The following NF2 variants were observed in gnomAD, a reference collection of about 807,000 sequenced individuals.
NF2 encodes the protein NF2, moesin-ezrin-radixin like (MERLIN) tumor suppressor, also known as merlin.
NF2 carries 8 observed loss-of-function variants against 83.7 expected under a neutral mutation model. The observed-to-expected ratio is 0.10, with a 90% CI of 0.06 to 0.17. The LOEUF is 0.17. Ranked by LOEUF, NF2 falls within the 10% of genes least tolerant of loss-of-function variation. The pLI is 1.00. For synonymous variants in NF2, 266 were observed against 269.6 expected (o/e 0.99, Z 0.13); for missense variants, 533 against 744.4 (o/e 0.72, Z 3.31).
chr22:29,662,052 A>T (rs2066493276), intron 8 of NF2, among the ~76,000 whole-genome samples: 1 of 152,242 alleles, frequency 6.6e-6, no homozygotes, highest in African/African-American at 2.4e-5. Flanking sequence ...AAAAGGTCCC[A>T]TAATGTATAA....
chr22:29,634,223 A>G (rs543119632), intron 1 of NF2, among the ~76,000 whole-genome samples: 3 of 152,214 alleles, frequency 2.0e-5, no homozygotes, highest in African/African-American at 4.8e-5. Flanking sequence ...GTAATTACTC[A>G]TGCTCATTTC....
intron 15 of NF2, among the ~76,000 whole-genome samples, chr22:29,690,788 G>A (rs1382647604): frequency 6.6e-6 from 1 of 152,226 alleles, no homozygotes; most frequent in African/African-American, 2.4e-5. Flanking sequence ...TGGTGCGGAG[G>A]CTTCATGTTC....
rs1800540 is a variant in NF2 at position 29,603,889 on chromosome 22, G to C, written c.-110G>C. The C allele has an allele frequency of 0.88, 723,893 of 826,994 alleles. 317,277 individuals carry two copies. The highest frequency in any genetic ancestry group is 0.96 in the East Asian group (35,955 of 37,424). 51.2% of individuals were successfully genotyped at this position (826,994 alleles called of 1,614,324 possible). A position where few individuals can be genotyped will look rare whatever the true frequency, so the allele number is the denominator to read the frequency against. ...GCAGCCCAGACCGTTCCCGGGCCGG[G>C]CAGCCGGCCACCATGGTGGCCCTGA... On this transcript the variant is annotated 5_prime_UTR_variant, in exon 1 of 16. Transcript: ENST00000338641.
intron 15 of NF2, among the ~76,000 whole-genome samples, chr22:29,686,639 C>CATAA (rs903500381): frequency 3.3e-5 from 5 of 152,312 alleles, no homozygotes; most frequent in African/African-American, 7.2e-5. Flanking sequence ...GATTCCATCT[C>CATAA]ATAAATAAAT....
At chr22:29,649,787 A>G (rs2066092375) in intron 4 of NF2, among the ~76,000 whole-genome samples, 1 of 151,872 alleles carries the variant, frequency 6.6e-6, no homozygotes. Flanking sequence ...TACAAAAAAA[A>G]AAAAGAAAAA....
At chr22:29,635,719 G>A (rs576830752) in intron 1 of NF2, among the ~76,000 whole-genome samples, 4 of 152,168 alleles carry the variant, frequency 2.6e-5, no homozygotes, top group African/African-American at 4.8e-5. Context: ...AGGAAGGGAC[G>A]GATGCTTCTG....
At chr22:29,638,402 G>C (rs370936208) in intron 2 of NF2, among the ~76,000 whole-genome samples, 2 of 149,954 alleles carry the variant, frequency 1.3e-5, no homozygotes, top group Non-Finnish European at 3.0e-5. Flanking sequence ...CCAGGCTGCA[G>C]TACAATGACG....
intron 15 of NF2, among the ~76,000 whole-genome samples, chr22:29,682,471 G>A (rs776524039): frequency 2.6e-5 from 4 of 152,056 alleles, no homozygotes; most frequent in Non-Finnish European, 4.4e-5. Flanking sequence ...GCCTGCCTTC[G>A]TTGTTGGGTA....
At chr22:29,649,733 A>C (rs1327828462) in intron 4 of NF2, among the ~76,000 whole-genome samples, 1 of 150,956 alleles carries the variant, frequency 6.6e-6, no homozygotes, top group Non-Finnish European at 1.5e-5. Context: ...ACAGAGTGAG[A>C]CTCTGTCTGA....
At chr22:29,670,196 C>A (rs1475299922) in intron 10 of NF2, among the ~76,000 whole-genome samples, 2 of 152,072 alleles carry the variant, frequency 1.3e-5, no homozygotes, top group East Asian at 3.9e-4. Context: ...TCAGGTCTTG[C>A]TATGTTACCC....
chr22:29,657,390 G>T (rs2066343730), intron 6 of NF2, among the ~76,000 whole-genome samples: 3 of 152,090 alleles, frequency 2.0e-5, no homozygotes, highest in African/African-American at 7.2e-5. Flanking sequence ...TAGGTTGTTG[G>T]GTTGTCCCCT....
chr22:29,663,986 G>T (rs896063032), intron 8 of NF2, among the ~76,000 whole-genome samples: 1 of 152,158 alleles, frequency 6.6e-6, no homozygotes, highest in Non-Finnish European at 1.5e-5. Context: ...TCAGCATCAA[G>T]AACTGTTTTC....
At chr22:29,650,028 A>T (rs1257924939) in intron 4 of NF2, among the ~76,000 whole-genome samples, 4 of 152,174 alleles carry the variant, frequency 2.6e-5, no homozygotes, top group African/African-American at 4.8e-5. Flanking sequence ...ACCCACAAAC[A>T]TTAAAAATTA....
chr22:29,691,567 G>A (rs2067404418), intron 15 of NF2, among the ~76,000 whole-genome samples: 2 of 152,186 alleles, frequency 1.3e-5, no homozygotes, highest in Non-Finnish European at 2.9e-5. Flanking sequence ...TTTTATGAAG[G>A]GCTAGCTTTT....
At chr22:29,621,197 C>T (rs1376791303) in intron 1 of NF2, among the ~76,000 whole-genome samples, 1 of 152,148 alleles carries the variant, frequency 6.6e-6, no homozygotes, top group African/African-American at 2.4e-5. Context: ...CTTCAGTTTC[C>T]TTGTTGGGGC....
At chr22:29,693,305 G>A (rs2067455296) in intron 15 of NF2, among the ~76,000 whole-genome samples, 1 of 152,182 alleles carries the variant, frequency 6.6e-6, no homozygotes, top group African/African-American at 2.4e-5. Flanking sequence ...GCTTTCCAAA[G>A]GGCTCTGAAA....
At chr22:29,659,937 A>G (rs1294503697) in intron 7 of NF2, among the ~76,000 whole-genome samples, 1 of 152,190 alleles carries the variant, frequency 6.6e-6, no homozygotes, top group Non-Finnish European at 1.5e-5. Context: ...AGGAGTAAAA[A>G]GATTTATGCT....
intron 15 of NF2, among the ~76,000 whole-genome samples, chr22:29,689,849 G>A (rs2067360316): frequency 6.6e-6 from 1 of 152,258 alleles, no homozygotes; most frequent in South Asian, 2.1e-4. Flanking sequence ...CTGTGCTGAT[G>A]AAAGTGTAAT....
rs753401671 is a variant in NF2, at chr22:29,603,953, A to G, written c.-46A>G. 6 of 1,430,870 alleles carry G rather than the reference A, an allele frequency of 4.2e-6. No homozygotes were observed. In the African/African-American group the frequency reaches 7.1e-5, roughly 17 times the overall value. The allele number at this position is 1,430,870 out of a possible 1,614,324, so 88.6% of individuals were successfully genotyped here. ...ACTCCAGGGGGGCTAAAGGGCTCAG[A>G]GTGCAGGCCGTGGGGCGCGAGGGTC... On this transcript the variant is annotated 5_prime_UTR_variant, in exon 1 of 16. Transcript: ENST00000338641.
Sources: allele counts gnomAD v4.1 joint callset (sites outside exome capture counted in the v4.1 genomes callset), GRCh38; gene constraint gnomAD v4.1.1; transcripts MANE v1.5; gene names NCBI Gene and HGNC (gene_info 2026-07-23, HGNC 2026-07-21).